Variants in ZNF677 observed in about 807,000 individuals in gnomAD.
The protein encoded by ZNF677 is hypothetical protein MGC48625.
In ZNF677, 5 loss-of-function variants were observed where a neutral mutation model predicts 8.1. That is an observed-to-expected ratio of 0.62 (90% CI 0.32 to 1.29). The LOEUF is 1.29. Among genes scored for constraint, ZNF677 ranks in the 50% most tolerant of loss-of-function variants. ZNF677 has a pLI of 0.05. For missense variants in ZNF677, 685 were observed against 685.9 expected (o/e 1.00, Z 0.01); for synonymous variants, 221 against 225.6 (o/e 0.98, Z 0.18).
At chr19:53,249,514 A>C (rs370800629) in intron 3 of ZNF677, 1 of 152,242 alleles carries the variant, frequency 6.6e-6, no homozygotes, top group East Asian at 1.9e-4. Context: ...TACAGTATAC[A>C]AATATACAAT....
At position 53,237,382 on chromosome 19, in the gene ZNF677, G is replaced by A; in HGVS notation, c.1345C>T (p.His449Tyr). The change falls in exon 5 of 5, where the codon CAT becomes TAT. Residue 449 changes from histidine to tyrosine, a missense_variant. By Grantham distance (83) the His-to-Tyr change is moderately conservative. Transcript: ENST00000598513. Reference sequence around the variant, plus strand: ...TTTTCTCCAGTGTGAATTCTCTGATGTTCCACAAGACTTGAACTTTGGATA... The same window carrying A: ...TTTTCTCCAGTGTGAATTCTCTGATATTCCACAAGACTTGAACTTTGGATA... ...AFIQSSSLVE[H>Y]QRIHTGEKPY... 1 of 1,613,906 alleles carries A rather than the reference G, an allele frequency of 6.2e-7. No homozygotes were observed. Among genetic ancestry groups the A allele is most frequent in the Non-Finnish European group, 8.5e-7 (1 of 1,179,978 alleles).
intron 3 of ZNF677, among the ~76,000 whole-genome samples, chr19:53,250,085 T>C: frequency 6.6e-6 from 1 of 152,214 alleles, no homozygotes; most frequent in Non-Finnish European, 1.5e-5. Context: ...TTGGTCAGGC[T>C]GGTCTCGAAC....
At chr19:53,248,050 T>C (rs2091175031) in intron 3 of ZNF677, among the ~76,000 whole-genome samples, 1 of 152,242 alleles carries the variant, frequency 6.6e-6, no homozygotes, top group South Asian at 2.1e-4. Flanking sequence ...TTTGTAATTA[T>C]TCCCTTACTT....
chr19:53,250,119 G>C (rs976060633), intron 3 of ZNF677, among the ~76,000 whole-genome samples: 1 of 151,966 alleles, frequency 6.6e-6, no homozygotes, highest in Non-Finnish European at 1.5e-5. Context: ...TGATCCACCC[G>C]TCTCAGCCTC....
At chr19:53,251,467 T>C (rs947558690) in intron 3 of ZNF677, 69 bp downstream of exon 3, 112 of 1,356,132 alleles carry the variant, frequency 8.3e-5, no homozygotes, top group Non-Finnish European at 5.7e-5. Context: ...CAGATAAAAT[T>C]AGCAAGTCCA....
At chr19:53,243,607 ACATTATGAAGC>A (rs2146946041) in intron 4 of ZNF677, 126 bp downstream of exon 4, 1 of 1,153,668 alleles carries the variant, frequency 8.7e-7, no homozygotes, top group East Asian at 2.4e-5. Context: ...TCTATATGCT[ACATTATGAAGC>A]CTTTCCACTC....
intron 3 of ZNF677, chr19:53,249,428 A>G (rs1248006489): frequency 6.6e-6 from 1 of 152,246 alleles, no homozygotes; most frequent in Non-Finnish European, 1.5e-5. Flanking sequence ...ATGTGTCTTC[A>G]GTAAGAGAAT....
In ZNF677 at chr19:53,236,438, C is replaced by T. The variant is rs1357330854; in HGVS notation, c.*534G>A. ...ACATCTTTCCACAGATGTCCTTGCTCCTCTGACACACACCATGAGTTTGTG... is the reference window on the plus strand; with the variant it reads ...ACATCTTTCCACAGATGTCCTTGCTTCTCTGACACACACCATGAGTTTGTG... On this transcript the variant is annotated 3_prime_UTR_variant, in exon 5 of 5. Transcript: ENST00000598513. The T allele has an allele frequency of 6.6e-6, 1 of 152,224 alleles. No individual in the cohort carries two copies. Among genetic ancestry groups the T allele is most frequent in the African/African-American group, 2.4e-5 (1 of 41,414 alleles). The allele number at this position is 152,224 out of a possible 1,614,324, so 9.4% of individuals were successfully genotyped here.
intron 3 of ZNF677, among the ~76,000 whole-genome samples, chr19:53,248,651 T>C (rs1406738932): frequency 1.3e-5 from 2 of 152,210 alleles, no homozygotes; most frequent in African/African-American, 4.8e-5. Flanking sequence ...CTAGCCTCCA[T>C]AGTTTCTGAT....
At chr19:53,245,916 A>G (rs10419211) in intron 3 of ZNF677, among the ~76,000 whole-genome samples, 45,544 of 151,410 alleles carry the variant, frequency 0.3, 7,804 homozygotes, top group African/African-American at 0.46. Flanking sequence ...GGAGGCTGAG[A>G]CAGGGGAATT....
chr19:53,254,798 G>A (rs2091290386), intron 1 of ZNF677, 36 bp downstream of exon 1: 1 of 152,686 alleles, frequency 6.5e-6, no homozygotes, highest in South Asian at 2.1e-4. Context: ...TGTGGCCCGC[G>A]AGGCGCAGGC....
intron 4 of ZNF677, chr19:53,243,361 T>C (rs1321497837): frequency 3.4e-6 from 1 of 291,612 alleles, no homozygotes. Flanking sequence ...TGCAAAACTA[T>C]TTCCCAAAAC....
chr19:53,251,582 A>T lies in ZNF677; in HGVS notation c.-32T>A. The stretch of plus-strand genomic sequence containing the variant: ...CTCTTCTTTCTTTCCTCTTCCTCTG[A>T]GTTTCTTTCTCAGGTAAGTCAGTCT... On this transcript the variant is annotated 5_prime_UTR_variant, in exon 3 of 5. Transcript: ENST00000598513. 5.0e-6 allele frequency: 8 copies of T among 1,613,570 alleles called. No individual in the cohort carries two copies. Among genetic ancestry groups the T allele is most frequent in the Non-Finnish European group, 6.8e-6 (8 of 1,179,754 alleles).
chr19:53,251,511 A>T (rs1298869129), intron 3 of ZNF677, 25 bp downstream of exon 3: 1 of 1,606,472 alleles, frequency 6.2e-7, no homozygotes, highest in Admixed American at 1.7e-5. Flanking sequence ...AGGACAAAAC[A>T]GTGAACCAAG....
At chr19:53,243,538 A>G in intron 4 of ZNF677, 1 of 623,660 alleles carries the variant, frequency 1.6e-6, no homozygotes, top group Non-Finnish European at 2.7e-6. Flanking sequence ...ATATTCTGGA[A>G]CCACCACTCG....
rs1310705012 is a variant in ZNF677 at position 53,238,053 on chromosome 19, G to A, written c.674C>T (p.Ser225Leu). ...NPVEKSINSS[S>L]VSPLPPCVKN... ...GACACAAGGAGGAAGTGGTGAAACT[G>A]AGGAACTATTGATAGACTTCTCAAC... is the stretch of plus-strand genomic sequence containing the variant. Residue 225 changes from serine (S) to leucine (L), a missense_variant, in exon 5 of 5, where the codon TCA becomes TTA. Physicochemically the swap from Ser to Leu is moderately radical, Grantham distance 145. Coordinates refer to ENST00000598513, the MANE Select transcript of ZNF677 (RefSeq NM_182609.4). 6.2e-7 allele frequency: 1 copy of A among 1,614,024 alleles called. No homozygotes were observed. Among genetic ancestry groups the A allele is most frequent in the Admixed American group, 1.7e-5 (1 of 60,026 alleles).
intron 4 of ZNF677, chr19:53,243,352 G>A: frequency 1.0e-5 from 2 of 194,860 alleles, no homozygotes; most frequent in South Asian, 1.2e-4. Flanking sequence ...ACATGGGTCT[G>A]CAAAACTATT....
chr19:53,237,592 C>A lies in ZNF677; in HGVS notation c.1135G>T (p.Glu379Ter), dbSNP rs773041798. 2.5e-6 allele frequency: 4 copies of A among 1,613,800 alleles called. No individual in the cohort carries two copies. In the Admixed American group the frequency reaches 5.0e-5, roughly 20 times the overall value. ...HTGEKPYKCNECDKAFAERSS... is the reference protein window; with the variant it reads ...HTGEKPYKCN ...CGTTCAGCAAAGGCTTTGTCACATT[C>A]ATTACATTTGTAAGGTTTCTCTCCA... The change falls in exon 5 of 5, where the codon GAA (glutamate) becomes TAA (stop). Residue 379 changes from glutamate to a stop codon, truncating the protein, a stop_gained. Transcript: ENST00000598513. LOFTEE classifies it low-confidence loss of function (END_TRUNC).
Position 53,238,358 on chromosome 19 carries a change from G to A in ZNF677, c.369C>T (p.Thr123=), listed in dbSNP as rs745785835. The change falls in exon 5 of 5, where the codon ACC becomes ACT. Residue 123 remains threonine, a synonymous_variant. Coordinates refer to ENST00000598513, the MANE Select transcript of ZNF677 (RefSeq NM_182609.4). ...TTCTGTGAGTGAGATTTTTGTTACA[G>A]GTCAAAGGCATTCCTTTGTAATTTT... is the stretch of plus-strand genomic sequence containing the variant. ...DVKNYKGMPL[T]CNKNLTHRKD... The A allele has an allele frequency of 3.1e-6, 5 of 1,613,542 alleles. No homozygotes were observed. The highest frequency in any genetic ancestry group is 3.4e-6 in the Non-Finnish European group (4 of 1,179,810).
Sources: allele counts gnomAD v4.1 joint callset (sites outside exome capture counted in the v4.1 genomes callset), GRCh38; gene constraint gnomAD v4.1.1; transcripts MANE v1.5; gene names NCBI Gene and HGNC (gene_info 2026-07-23, HGNC 2026-07-21).